TIMP3: variants seen among roughly 807,000 people sequenced by gnomAD.
TIMP3 encodes the protein metalloproteinase inhibitor 3.
TIMP3 carries 11 observed loss-of-function variants against 30.0 expected under a neutral mutation model. The observed-to-expected ratio is 0.37, with a 90% confidence interval of 0.23 to 0.61. The LOEUF is 0.61. Among genes scored for constraint, TIMP3 ranks in the 20% least tolerant of loss-of-function variants. The pLI is 0.70. For synonymous variants in TIMP3, 112 were observed against 111.3 expected (o/e 1.01, Z -0.04); for missense variants, 181 against 276.8 (o/e 0.65, Z 2.45).
chr22:32,830,667 C>T (rs545493817), intron 1 of TIMP3, among the ~76,000 whole-genome samples: 5 of 152,172 alleles, frequency 3.3e-5, no homozygotes, highest in African/African-American at 4.8e-5. Flanking sequence ...GCCACCCCCC[C>T]GCCCCCGCAA....
rs1383743885 is a variant in TIMP3 at position 32,802,012 on chromosome 22, G to T, written c.11G>T (p.Trp4Leu). 1 of 1,580,238 alleles carries T rather than the reference G, an allele frequency of 6.3e-7. No homozygotes were observed. The highest frequency in any genetic ancestry group is 8.6e-7 in the Non-Finnish European group (1 of 1,168,774). ...GCGGCAGCAGCGGCAATGACCCCTT[G>T]GCTCGGGCTCATCGTGCTCCTGGGC... MTP[W>L]LGLIVLLGSW... Residue 4 changes from tryptophan to leucine, a missense_variant, in exon 1 of 5, where the codon TGG (tryptophan) becomes TTG (leucine). Transcript: ENST00000266085.
At position 32,859,493 on chromosome 22, in the gene TIMP3, C is replaced by A; in HGVS notation, c.*116C>A. 2 of 1,305,182 alleles carry A rather than the reference C, an allele frequency of 1.5e-6. No individual in the cohort carries two copies. The highest frequency in any genetic ancestry group is 2.1e-6 in the Non-Finnish European group (2 of 954,204). The allele number at this position is 1,305,182 out of a possible 1,614,324, so 80.9% of individuals were successfully genotyped here. A position where few individuals can be genotyped will look rare whatever the true frequency, so the allele number is the denominator to read the frequency against. ...TGCCTGTTTTCTTGCAAATTTAGCA[C>A]TTGGAACATTTAAAGAAAGGTCTAT... On this transcript the variant is annotated 3_prime_UTR_variant, in exon 5 of 5. Transcript: ENST00000266085.
chr22:32,836,490 A>G (rs758631763), intron 1 of TIMP3, among the ~76,000 whole-genome samples: 25 of 152,162 alleles, frequency 1.6e-4, no homozygotes, highest in Non-Finnish European at 3.5e-4. Context: ...TTCTTTACTT[A>G]TTTATTTTAT....
chr22:32,832,767 C>T (rs912916581), intron 1 of TIMP3, among the ~76,000 whole-genome samples: 4 of 151,926 alleles, frequency 2.6e-5, no homozygotes, highest in African/African-American at 4.8e-5. Context: ...CTCACTCTGT[C>T]GTTCAGCTGG....
rs912039678 is a variant in TIMP3, at chr22:32,860,499, T to C, written c.*1122T>C. On this transcript the variant is annotated 3_prime_UTR_variant, in exon 5 of 5. Coordinates refer to ENST00000266085, the MANE Select transcript of TIMP3 (RefSeq NM_000362.5). ...TCTCTTCTATTTTGTTGTCGTTGCT[T>C]GTTTGAAGAAAATCATGACATTCCA... 1 of 152,688 alleles carries C rather than the reference T, an allele frequency of 6.5e-6. No individual in the cohort carries two copies. Among genetic ancestry groups the C allele is most frequent in the African/African-American group, 2.4e-5 (1 of 41,468 alleles). The allele number at this position is 152,688 out of a possible 1,614,324, so 9.5% of individuals were successfully genotyped here.
intron 2 of TIMP3, among the ~76,000 whole-genome samples, chr22:32,855,737 C>T (rs142707253): frequency 1.6e-4 from 24 of 152,282 alleles, no homozygotes; most frequent in African/African-American, 2.9e-4. Flanking sequence ...CTACCCTCTA[C>T]GAACTGTTGT....
At position 32,844,505 on chromosome 22, in the gene TIMP3, A is replaced by G. The variant is rs1297185301; in HGVS notation, c.122-4947A>G. Among the ~76,000 whole-genome samples, 3 of 152,192 alleles carry G rather than the reference A, an allele frequency of 2.0e-5. No individual in the cohort carries two copies. The East Asian group carries it at 5.8e-4, about 29-fold the overall frequency. The stretch of plus-strand genomic sequence containing the variant: ...GCACTCTTGCCCAAACAAATATTCA[A>G]AGGAAGCAAAGACAGTTCAATAGAG... On this transcript the variant is annotated intron_variant, in intron 1 of 4. Coordinates refer to ENST00000266085, the MANE Select transcript of TIMP3 (RefSeq NM_000362.5).
At chr22:32,803,313 C>T (rs550673632) in intron 1 of TIMP3, among the ~76,000 whole-genome samples, 7 of 152,038 alleles carry the variant, frequency 4.6e-5, no homozygotes, top group Non-Finnish European at 8.8e-5. Context: ...GGGACTCTAC[C>T]AGCGTGTTGT....
intron 1 of TIMP3, among the ~76,000 whole-genome samples, chr22:32,808,629 ACT>A (rs2046830156): frequency 4.0e-5 from 6 of 151,734 alleles, no homozygotes; most frequent in Admixed American, 3.9e-4. Flanking sequence ...AGCTGTTCAT[ACT>A]CTGTCTCTCT....
chr22:32,812,490 G>A (rs1174477508), intron 1 of TIMP3, among the ~76,000 whole-genome samples: 3 of 152,324 alleles, frequency 2.0e-5, no homozygotes, highest in Non-Finnish European at 2.9e-5. Context: ...TTCAGGGCCT[G>A]TCACTGATTG....
chr22:32,806,418 C>A (rs143420300), intron 1 of TIMP3, among the ~76,000 whole-genome samples: 4 of 152,162 alleles, frequency 2.6e-5, no homozygotes, highest in African/African-American at 9.7e-5. Context: ...AACAACAACA[C>A]GATTCTCCAT....
At chr22:32,825,734 ATATT>A (rs1286472932) in intron 1 of TIMP3, among the ~76,000 whole-genome samples, 4 of 140,532 alleles carry the variant, frequency 2.8e-5, no homozygotes, top group Non-Finnish European at 6.1e-5. Context: ...TATATAATAC[ATATT>A]TATTTGTACA....
chr22:32,862,848 A>G lies in TIMP3; in HGVS notation c.*3471A>G, dbSNP rs1005374796. On this transcript the variant is annotated 3_prime_UTR_variant, in exon 5 of 5. Coordinates refer to ENST00000266085, the MANE Select transcript of TIMP3 (RefSeq NM_000362.5). ...ACCCAGAAGTGATGGAGAGAAACCA[A>G]CAAGAGATCTCGAACCCTGTCTAGA... 1 of 152,634 alleles carries G rather than the reference A, an allele frequency of 6.6e-6. No homozygotes were observed. Among genetic ancestry groups the G allele is most frequent in the Non-Finnish European group, 1.5e-5 (1 of 68,042 alleles). The allele number at this position is 152,634 out of a possible 1,614,324, so 9.5% of individuals were successfully genotyped here.
intron 1 of TIMP3, among the ~76,000 whole-genome samples, chr22:32,809,356 G>T (rs1308702157): frequency 6.6e-6 from 1 of 152,160 alleles, no homozygotes; most frequent in Non-Finnish European, 1.5e-5. Flanking sequence ...CACTGTTGGG[G>T]TCCCCGTCAG....
intron 2 of TIMP3, among the ~76,000 whole-genome samples, chr22:32,853,996 C>G (rs755868698): frequency 6.6e-6 from 1 of 152,144 alleles, no homozygotes; most frequent in East Asian, 1.9e-4. Flanking sequence ...GATTAGATTA[C>G]CTTTAACATC....
chr22:32,857,293 T>A lies in TIMP3; in HGVS notation c.249T>A (p.His83Gln), dbSNP rs9862. The change falls in exon 3 of 5, where the codon CAT becomes CAA. Residue 83 changes from histidine (H) to glutamine (Q), a missense_variant. By Grantham distance (24) the His-to-Gln change is conservative. Around this residue, in one of 3 missense-constraint regions of TIMP3, gnomAD observed 63 missense variants for 133.3 expected, o/e 0.47. Transcript: ENST00000266085. Reference protein sequence around the residue: ...FTKMPHVQYIHTEASESLCGL... With the variant: ...FTKMPHVQYIQTEASESLCGL... Reference sequence around the variant, plus strand: ...AGATGCCCCATGTGCAGTACATCCATACGGAAGCTTCCGAGAGTCTCTGTG... The same window carrying A: ...AGATGCCCCATGTGCAGTACATCCAAACGGAAGCTTCCGAGAGTCTCTGTG... 3.7e-6 allele frequency: 6 copies of A among 1,613,694 alleles called. No homozygotes were observed.
At chr22:32,819,156 G>A (rs1451125206) in intron 1 of TIMP3, among the ~76,000 whole-genome samples, 2 of 152,246 alleles carry the variant, frequency 1.3e-5, no homozygotes, top group African/African-American at 4.8e-5. Flanking sequence ...CCACTAGGGA[G>A]TGAGGTAGTG....
chr22:32,816,465 G>T (rs1211570248), intron 1 of TIMP3, among the ~76,000 whole-genome samples: 1 of 152,202 alleles, frequency 6.6e-6, no homozygotes, highest in Non-Finnish European at 1.5e-5. Context: ...CTTCCTGCAG[G>T]CTGGAGACCT....
At chr22:32,839,922 T>C (rs1366083355) in intron 1 of TIMP3, among the ~76,000 whole-genome samples, 2 of 152,034 alleles carry the variant, frequency 1.3e-5, no homozygotes, top group East Asian at 3.9e-4. Flanking sequence ...CCTGAGTTTT[T>C]CCCAGACCGC....
Sources: gnomAD v4.1 joint callset for allele counts (sites outside exome capture counted in the v4.1 genomes callset) on GRCh38, gnomAD v4.1.1 for gene constraint, gnomAD v4.1.1 regional missense constraint, MANE v1.5 for transcripts, NCBI Gene and HGNC (gene_info 2026-07-23, HGNC 2026-07-21) for gene names.